Variants in LRIG2 observed in about 807,000 individuals in gnomAD.
LRIG2 encodes leucine rich repeats and immunoglobulin like domains 2, also known as leucine-rich repeats and immunoglobulin-like domains protein 2.
LRIG2 carries 93 observed loss-of-function variants against 107.8 expected under a neutral mutation model. The ratio of observed to expected loss-of-function variants is 0.86; its 90% CI spans 0.73 to 1.03. The LOEUF is 1.03. LRIG2 is among the 50% of genes least tolerant of loss of function. The pLI is 0.00. For synonymous variants in LRIG2, 471 were observed against 470.6 expected, an observed-to-expected ratio of 1.00 and a Z score of -0.01; for missense variants, 1,226 against 1,296.0, an observed-to-expected ratio of 0.95 and a Z score of 0.83.
intron 1 of LRIG2, among the ~76,000 whole-genome samples, chr1:113,089,251 CACATCTTTTAGGCAG>C (rs1653687321): frequency 6.6e-6 from 1 of 152,174 alleles, no homozygotes; most frequent in Non-Finnish European, 1.5e-5. Flanking sequence ...TAACATACAG[CACATCTTTTAGGCAG>C]ACAGCTTGTG....
intron 9 of LRIG2, among the ~76,000 whole-genome samples, chr1:113,099,564 TG>T (rs1654221867): frequency 6.6e-6 from 1 of 152,086 alleles, no homozygotes; most frequent in Non-Finnish European, 1.5e-5. Context: ...TGTGTTTTTT[TG>T]TTGTTGTTGT....
At chr1:113,099,009 C>CA (rs1422265658) in intron 9 of LRIG2, among the ~76,000 whole-genome samples, 12 of 152,060 alleles carry the variant, frequency 7.9e-5, no homozygotes, top group African/African-American at 2.9e-4. Flanking sequence ...CGGCTCACTA[C>CA]AACCTCTGCC....
In LRIG2 at chr1:113,123,961, C is replaced by T. The variant is rs766595868; in HGVS notation, c.3058C>T (p.Pro1020Ser). Residue 1020 changes from proline to serine, a missense_variant, in exon 18 of 18, where the codon CCA becomes TCA. Physicochemically the swap from Pro to Ser is moderately conservative, Grantham distance 74. Transcript: ENST00000361127. Reference sequence around the variant, plus strand: ...TTCCCAGCAGCCAGTCCATGAGTCACCACAACTTCATCAAAATGAGGGCCT... The same window carrying T: ...TTCCCAGCAGCCAGTCCATGAGTCATCACAACTTCATCAAAATGAGGGCCT... ...PFSQQPVHES[P>S]QLHQNEGLAG... 6.2e-7 allele frequency: 1 copy of T among 1,614,000 alleles called. No individual in the cohort carries two copies. The highest frequency in any genetic ancestry group is 8.5e-7 in the Non-Finnish European group (1 of 1,180,022).
chr1:113,088,071 G>C (rs1346215491), intron 1 of LRIG2, among the ~76,000 whole-genome samples: 1 of 152,198 alleles, frequency 6.6e-6, no homozygotes, highest in South Asian at 2.1e-4. Context: ...TACTGATGCT[G>C]ATGTATATTA....
intron 13 of LRIG2, among the ~76,000 whole-genome samples, chr1:113,111,500 A>G (rs1431869480): frequency 1.3e-5 from 2 of 152,112 alleles, no homozygotes; most frequent in Non-Finnish European, 2.9e-5. Flanking sequence ...CTGAATCTCT[A>G]ACGTCCATGA....
intron 16 of LRIG2, among the ~76,000 whole-genome samples, chr1:113,118,398 T>A (rs1655107350): frequency 6.6e-6 from 1 of 152,234 alleles, no homozygotes; most frequent in African/African-American, 2.4e-5. Flanking sequence ...CTAGGGATGC[T>A]TGTAGCAATT....
chr1:113,118,668 G>GTT (rs796930284), intron 16 of LRIG2, among the ~76,000 whole-genome samples: 7 of 142,348 alleles, frequency 4.9e-5, no homozygotes, highest in Admixed American at 1.4e-4. Context: ...GTATGACTTT[G>GTT]TTTTTTTTTT....
At position 113,119,243 on chromosome 1, in the gene LRIG2, TAC is replaced by T; in HGVS notation, c.2692_2693del (p.Thr898ProfsTer9). 6.2e-7 allele frequency: 1 copy of T among 1,609,706 alleles called. No homozygotes were observed. The highest frequency in any genetic ancestry group is 8.5e-7 in the Non-Finnish European group (1 of 1,176,224). On this transcript the variant is annotated frameshift_variant, in exon 17 of 18. Coordinates refer to ENST00000361127, the MANE Select transcript of LRIG2 (RefSeq NM_014813.3). LOFTEE classifies it high-confidence loss of function. ...TTTTCTTGTTATTAGGTGGCACTGG[TAC>T]CCGGGTGATTTGCTCAGATTGTTAT... ...IHKGTDGGTG[T>X]RVICSDCYDN... is the part of the protein sequence containing the mutation.
Position 113,073,591 on chromosome 1 carries a change from C to G in LRIG2, c.185C>G (p.Pro62Arg), listed in dbSNP as rs778050252. ...PLLDCSRRKL[P>R]APSWRALSGL... The stretch of plus-strand genomic sequence containing the variant: ...CTGGACTGCAGTCGCAGGAAATTGC[C>G]CGCACCGAGCTGGAGGGCGCTGTCG... The change falls in exon 1 of 18, where the codon CCC (proline) becomes CGC (arginine). Residue 62 changes from proline (P) to arginine (R), a missense_variant. Coordinates refer to ENST00000361127, the MANE Select transcript of LRIG2 (RefSeq NM_014813.3). 4 of 1,613,942 alleles carry G rather than the reference C, an allele frequency of 2.5e-6. No individual in the cohort carries two copies. The highest frequency in any genetic ancestry group is 1.1e-5 in the South Asian group (1 of 91,084).
intron 17 of LRIG2, among the ~76,000 whole-genome samples, chr1:113,120,510 T>C (rs1312011150): frequency 1.3e-5 from 2 of 151,460 alleles, no homozygotes; most frequent in South Asian, 4.2e-4. Flanking sequence ...AGAAGATTTT[T>C]TTTTTTTTTT....
In LRIG2 at chr1:113,073,246, T is replaced by C. The variant is rs1557890785; in HGVS notation, c.-161T>C. 3.0e-6 allele frequency: 2 copies of C among 658,556 alleles called. No individual in the cohort carries two copies. Among genetic ancestry groups the C allele is most frequent in the Non-Finnish European group, 5.3e-6 (2 of 374,146 alleles). The allele number at this position is 658,556 out of a possible 1,614,324, so 40.8% of individuals were successfully genotyped here. A position where few individuals can be genotyped will look rare whatever the true frequency, so the allele number is the denominator to read the frequency against. ...GTGTGTCCCAGGCCGTCGACCCCGC[T>C]GTCGCGCTGCGTCTGCTCCTTGCAT... On this transcript the variant is annotated 5_prime_UTR_variant, in exon 1 of 18. Coordinates refer to ENST00000361127, the MANE Select transcript of LRIG2 (RefSeq NM_014813.3).
Position 113,124,381 on chromosome 1 carries a change from C to T in LRIG2, c.*280C>T. 1 of 476,226 alleles carries T rather than the reference C, an allele frequency of 2.1e-6. No individual in the cohort carries two copies. Among genetic ancestry groups the T allele is most frequent in the Non-Finnish European group, 3.8e-6 (1 of 260,936 alleles). 29.5% of individuals were successfully genotyped at this position (476,226 alleles called of 1,614,324 possible). On this transcript the variant is annotated 3_prime_UTR_variant, in exon 18 of 18. Coordinates refer to ENST00000361127, the MANE Select transcript of LRIG2 (RefSeq NM_014813.3). ...CCTGATGCTTCCATGGGGATGTGCC[C>T]TGGTGTGCATCTGCTTGTCAGGAAG...
In LRIG2 at chr1:113,116,400, C is replaced by T. The variant is rs371495022; in HGVS notation, c.2644C>T (p.Pro882Ser). ...GGCAGGCAGTCATCAGCAACTTATG[C>T]CTCCTGCCAATGGATATATACACAA... ...SEAGSHQQLM[P>S]PANGYIHKGT... Residue 882 changes from proline (P) to serine (S), a missense_variant, in exon 16 of 18, where the codon CCT becomes TCT. Around this residue, in one of 3 missense-constraint regions of LRIG2, gnomAD observed 642 missense variants for 712.2 expected, o/e 0.90. Transcript: ENST00000361127. 6.2e-7 allele frequency: 1 copy of T among 1,613,196 alleles called. No homozygotes were observed. The highest frequency in any genetic ancestry group is 8.5e-7 in the Non-Finnish European group (1 of 1,179,678).
intron 12 of LRIG2, 46 bp downstream of exon 12, chr1:113,107,803 C>CCTG: frequency 6.7e-7 from 1 of 1,491,858 alleles, no homozygotes; most frequent in South Asian, 1.3e-5. Context: ...CACTTATAAT[C>CCTG]TTAACAGAAT....
At chr1:113,075,163 G>T (rs1652914725) in intron 1 of LRIG2, among the ~76,000 whole-genome samples, 1 of 151,994 alleles carries the variant, frequency 6.6e-6, no homozygotes, top group Admixed American at 6.6e-5. Context: ...AGTGAGCCGA[G>T]ATCGTGCCAT....
intron 11 of LRIG2, among the ~76,000 whole-genome samples, chr1:113,101,879 G>T (rs1654320934): frequency 6.6e-6 from 1 of 152,174 alleles, no homozygotes; most frequent in Non-Finnish European, 1.5e-5. Flanking sequence ...AAACATTAGT[G>T]CACAAGACAG....
At position 113,099,244 on chromosome 1, in the gene LRIG2, C is replaced by CTTTTTT. The variant is rs984786053; in HGVS notation, c.1172+465_1172+470dup. On this transcript the variant is annotated intron_variant, in intron 9 of 17. Transcript: ENST00000361127. ...GCCACTGAACTTGGCTGGTTTTTTTCTTTTTTTTTTTGAGACAGGGTCTTG... is the reference window on the plus strand; with the variant it reads ...GCCACTGAACTTGGCTGGTTTTTTTCTTTTTTTTTTTTTTTTTGAGACAGGGTCTTG... Among the ~76,000 whole-genome samples the CTTTTTT allele has an allele frequency of 1.7e-4, 20 of 117,944 alleles. 9 individuals are homozygous for CTTTTTT. The highest frequency in any genetic ancestry group is 2.2e-4 in the Non-Finnish European group (13 of 60,176). The allele number at this position is 117,944 out of a possible 152,430, so 77.4% of individuals were successfully genotyped here. A position where few individuals can be genotyped will look rare whatever the true frequency, so the allele number is the denominator to read the frequency against.
intron 1 of LRIG2, among the ~76,000 whole-genome samples, chr1:113,077,741 A>G (rs563381196): frequency 2.0e-5 from 3 of 151,896 alleles, no homozygotes; most frequent in Non-Finnish European, 4.4e-5. Context: ...CTATTTATTT[A>G]TTTATTTATT....
chr1:113,117,472 A>G (rs1655067859), intron 16 of LRIG2, among the ~76,000 whole-genome samples: 1 of 152,154 alleles, frequency 6.6e-6, no homozygotes, highest in African/African-American at 2.4e-5. Flanking sequence ...CATGAAAAAT[A>G]TAGTAGTTCT....
Sources: gnomAD v4.1 joint callset for allele counts (sites outside exome capture counted in the v4.1 genomes callset) on GRCh38, gnomAD v4.1.1 for gene constraint, gnomAD v4.1.1 regional missense constraint, MANE v1.5 for transcripts, NCBI Gene and HGNC (gene_info 2026-07-23, HGNC 2026-07-21) for gene names.